Variants in ATP8B4 observed in about 807,000 individuals in gnomAD.
The protein encoded by ATP8B4 is probable phospholipid-transporting ATPase IM.
In ATP8B4, 133 loss-of-function variants were observed where a neutral mutation model predicts 145.6. That is an observed-to-expected ratio of 0.91 (90% CI 0.79 to 1.05). The LOEUF (loss-of-function observed/expected upper bound fraction) is 1.05. Ranked by LOEUF, ATP8B4 falls within the 50% of genes least tolerant of loss-of-function variation. The probability of loss-of-function intolerance (pLI) is 0.00; values close to 1 mark genes in which losing one functional copy is unlikely to be tolerated. For missense variants in ATP8B4, 1,458 were observed against 1,425.2 expected, an observed-to-expected ratio of 1.02 and a Z score of -0.37; for synonymous variants, 507 against 492.9, an observed-to-expected ratio of 1.03 and a Z score of -0.38.
intron 6 of ATP8B4, among the ~76,000 whole-genome samples, chr15:50,023,335 A>G (rs1386636269): frequency 1.3e-5 from 2 of 152,174 alleles, no homozygotes; most frequent in Non-Finnish European, 2.9e-5. Flanking sequence ...AGGGATCGTG[A>G]CCATAATTAG....
intron 25 of ATP8B4, among the ~76,000 whole-genome samples, chr15:49,873,859 G>T (rs912661188): frequency 1.3e-5 from 2 of 152,058 alleles, no homozygotes; most frequent in Non-Finnish European, 2.9e-5. Flanking sequence ...TTCACAGCTG[G>T]GTCATTCTGC....
chr15:50,124,630 A>G (rs1215750688), intron 1 of ATP8B4, among the ~76,000 whole-genome samples: 1 of 152,132 alleles, frequency 6.6e-6, no homozygotes, highest in East Asian at 1.9e-4. Flanking sequence ...AGATACCTAA[A>G]TTTATGGGTG....
intron 6 of ATP8B4, among the ~76,000 whole-genome samples, chr15:50,030,128 T>C (rs958001350): frequency 6.6e-6 from 1 of 152,174 alleles, no homozygotes; most frequent in Admixed American, 6.5e-5. Flanking sequence ...AAGAAAACTT[T>C]ATATTTTTAA....
intron 7 of ATP8B4, among the ~76,000 whole-genome samples, chr15:50,010,493 C>T (rs561670440): frequency 6.6e-6 from 1 of 151,826 alleles, no homozygotes; most frequent in Non-Finnish European, 1.5e-5. Flanking sequence ...ATTAACAGTA[C>T]TAATCACAAA....
chr15:49,969,942 T>C (rs1430508796), intron 13 of ATP8B4, among the ~76,000 whole-genome samples: 2 of 152,208 alleles, frequency 1.3e-5, no homozygotes, highest in Non-Finnish European at 2.9e-5. Context: ...GTTGGCTTCA[T>C]CCCTGGGATG....
rs1336175605 is a variant in ATP8B4, at chr15:49,858,639, T to C, written c.*1555A>G. The C allele has an allele frequency of 5.3e-5, 8 of 152,208 alleles. No homozygotes were observed. Among genetic ancestry groups the C allele is most frequent in the Non-Finnish European group, 7.3e-5 (5 of 68,040 alleles). 9.4% of individuals were successfully genotyped at this position (152,208 alleles called of 1,614,324 possible). A position where few individuals can be genotyped will look rare whatever the true frequency, so the allele number is the denominator to read the frequency against. On this transcript the variant is annotated 3_prime_UTR_variant, in exon 28 of 28. Coordinates refer to ENST00000284509, the MANE Select transcript of ATP8B4 (RefSeq NM_024837.4). Reference sequence around the variant, plus strand: ...TTAAGGACTCTGTAGAATTAGAAGTTGATTTGTAGAAAACCATTAAGACAT... The same window carrying C: ...TTAAGGACTCTGTAGAATTAGAAGTCGATTTGTAGAAAACCATTAAGACAT...
intron 23 of ATP8B4, among the ~76,000 whole-genome samples, chr15:49,893,386 G>A (rs949479306): frequency 6.6e-6 from 1 of 152,086 alleles, no homozygotes; most frequent in African/African-American, 2.4e-5. Flanking sequence ...TAGACTAAGA[G>A]GTGGAAACAA....
At chr15:50,143,017 C>T (rs1036915261) in intron 1 of ATP8B4, among the ~76,000 whole-genome samples, 4 of 152,196 alleles carry the variant, frequency 2.6e-5, no homozygotes, top group Non-Finnish European at 4.4e-5. Context: ...AAGCTGAAGA[C>T]CTGGAGATGC....
chr15:50,038,804 A>C lies in ATP8B4; in HGVS notation c.326T>G (p.Val109Gly). The C allele has an allele frequency of 3.1e-6, 5 of 1,613,794 alleles. No individual in the cohort carries two copies. The highest frequency in any genetic ancestry group is 4.2e-6 in the Non-Finnish European group (5 of 1,179,726). ...GAGCACTTCAGACTGCCGATTATTC[A>C]CTTGATTATCACTCTTGTGGCGAAA... is the stretch of plus-strand genomic sequence containing the variant. ...DYFRHKSDNQ[V>G]NNRQSEVLIN... The change falls in exon 6 of 28, where the codon GTG becomes GGG. Residue 109 changes from valine to glycine, a missense_variant. Physicochemically the swap from Val to Gly is moderately radical, Grantham distance 109 (BLOSUM62 -3). Transcript: ENST00000284509.
At chr15:50,016,720 A>G (rs2153576720) in intron 6 of ATP8B4, among the ~76,000 whole-genome samples, 1 of 152,056 alleles carries the variant, frequency 6.6e-6, no homozygotes, top group African/African-American at 2.4e-5. Flanking sequence ...TAAGGAAAAC[A>G]CTCTCGTCAG....
intron 1 of ATP8B4, among the ~76,000 whole-genome samples, chr15:50,171,089 T>C (rs1024358116): frequency 1.3e-5 from 2 of 152,002 alleles, no homozygotes; most frequent in Admixed American, 6.6e-5. Context: ...AGAAATGAGA[T>C]AGACAGCAAC....
chr15:50,040,166 G>A (rs1164795500), intron 5 of ATP8B4, among the ~76,000 whole-genome samples: 3 of 152,220 alleles, frequency 2.0e-5, no homozygotes, highest in East Asian at 3.9e-4. Flanking sequence ...TGTGGCTTCT[G>A]GTAAGATTTG....
intron 6 of ATP8B4, among the ~76,000 whole-genome samples, chr15:50,029,077 C>T (rs1567225000): frequency 6.6e-6 from 1 of 151,108 alleles, no homozygotes. Context: ...TACTAAAATA[C>T]AAAAAATTAG....
At chr15:50,117,150 G>A (rs189626266) in intron 1 of ATP8B4, among the ~76,000 whole-genome samples, 5 of 152,164 alleles carry the variant, frequency 3.3e-5, no homozygotes, top group Admixed American at 2.6e-4. Context: ...ACACGGTTCA[G>A]GCGATTCTCC....
At position 50,157,929 on chromosome 15, in the gene ATP8B4, A is replaced by AT. The variant is rs1361254108; in HGVS notation, c.-43+24331dup. Reference sequence around the variant, plus strand: ...GCCGCCACGCCTGACTGGTTTTCGTATTTTTTTGGTGGAGACGGGGTTTCG... The same window carrying AT: ...GCCGCCACGCCTGACTGGTTTTCGTATTTTTTTTGGTGGAGACGGGGTTTCG... On this transcript the variant is annotated intron_variant, in intron 1 of 3. Coordinates refer to the ATP8B4 transcript ENST00000558829. 2.6e-5 allele frequency among the ~76,000 whole-genome samples: 4 copies of AT among 151,876 alleles called. 1 individual carries two copies. The highest frequency in any genetic ancestry group is 7.3e-5 in the African/African-American group (3 of 41,312).
chr15:49,897,252 AAAC>A (rs755164889), intron 23 of ATP8B4, 37 bp downstream of exon 23: 303 of 1,535,114 alleles, frequency 2.0e-4, no homozygotes, highest in South Asian at 1.1e-3. Context: ...ATACAAAAAC[AAAC>A]AAACAAACAA....
intron 6 of ATP8B4, among the ~76,000 whole-genome samples, chr15:50,020,513 C>G (rs2049464454): frequency 6.6e-6 from 1 of 152,044 alleles, no homozygotes; most frequent in South Asian, 2.1e-4. Flanking sequence ...CTCAGGTGAT[C>G]TGCCCGCCTC....
At chr15:50,038,850 T>A in intron 5 of ATP8B4, 21 bp from the exon 6 acceptor site, 1 of 1,603,516 alleles carries the variant, frequency 6.2e-7, no homozygotes, top group Non-Finnish European at 8.5e-7. Context: ...AAAGTGTTTG[T>A]GAGAAAACAC....
chr15:50,146,656 C>T (rs1211861878), intron 1 of ATP8B4, among the ~76,000 whole-genome samples: 1 of 152,170 alleles, frequency 6.6e-6, no homozygotes, highest in African/African-American at 2.4e-5. Flanking sequence ...TTCCTTAGTT[C>T]AGCTAAAGAC....
Sources: gnomAD v4.1 joint callset for allele counts (sites outside exome capture counted in the v4.1 genomes callset) on GRCh38, gnomAD v4.1.1 for gene constraint, MANE v1.5 for transcripts, NCBI Gene and HGNC (gene_info 2026-07-23, HGNC 2026-07-21) for gene names.